UNC5C: variants seen among roughly 807,000 people sequenced by gnomAD.
UNC5C encodes the protein unc-5 netrin receptor C.
Under a neutral mutation model 99.8 loss-of-function variants are expected in UNC5C, and 47 were observed. The observed-to-expected ratio is 0.47, with a 90% CI of 0.37 to 0.60. The LOEUF is 0.60. Ranked by LOEUF, UNC5C falls within the 20% of genes least tolerant of loss-of-function variation. The pLI is 0.00. For synonymous variants in UNC5C, 487 were observed against 452.2 expected (o/e 1.08, Z -0.98); for missense variants, 1,062 against 1,165.9 (o/e 0.91, Z 1.30).
chr4:95,307,872 T>C (rs1294082583), intron 2 of UNC5C, among the ~76,000 whole-genome samples: 1 of 152,190 alleles, frequency 6.6e-6, no homozygotes, highest in Non-Finnish European at 1.5e-5. Context: ...ATAAAAATCA[T>C]ACGATCATCT....
chr4:95,224,511 C>T (rs974369143), intron 7 of UNC5C, among the ~76,000 whole-genome samples: 1 of 152,168 alleles, frequency 6.6e-6, no homozygotes, highest in Admixed American at 6.6e-5. Flanking sequence ...TCAACTTTCA[C>T]AAATATTATG....
chr4:95,471,767 T>C (rs939456851), intron 1 of UNC5C, among the ~76,000 whole-genome samples: 3 of 152,134 alleles, frequency 2.0e-5, no homozygotes, highest in African/African-American at 7.2e-5. Flanking sequence ...TAACAGCACG[T>C]GATGTAAGGA....
At chr4:95,293,836 A>G (rs1741575844) in intron 3 of UNC5C, among the ~76,000 whole-genome samples, 1 of 152,138 alleles carries the variant, frequency 6.6e-6, no homozygotes, top group South Asian at 2.1e-4. Flanking sequence ...TGGGAATAAT[A>G]ATAACACTCA....
intron 6 of UNC5C, among the ~76,000 whole-genome samples, chr4:95,242,850 G>A (rs1240722213): frequency 6.6e-6 from 1 of 152,140 alleles, no homozygotes; most frequent in Non-Finnish European, 1.5e-5. Context: ...ATCCAAAGTT[G>A]TCACCAGGAG....
chr4:95,284,175 T>C (rs537110873), intron 3 of UNC5C, among the ~76,000 whole-genome samples: 1 of 152,178 alleles, frequency 6.6e-6, no homozygotes, highest in Admixed American at 6.5e-5. Flanking sequence ...TGATGCAGAA[T>C]ACATGATTCA....
chr4:95,529,814 G>C (rs1722597092), intron 1 of UNC5C, among the ~76,000 whole-genome samples: 1 of 152,096 alleles, frequency 6.6e-6, no homozygotes, highest in Non-Finnish European at 1.5e-5. Flanking sequence ...TACATAAACT[G>C]TGTGCCTAAT....
At chr4:95,341,640 T>C (rs1252281810) in intron 1 of UNC5C, among the ~76,000 whole-genome samples, 1 of 152,106 alleles carries the variant, frequency 6.6e-6, no homozygotes, top group Non-Finnish European at 1.5e-5. Flanking sequence ...TTGTCCTCCC[T>C]GCAGGAACAT....
Position 95,193,075 on chromosome 4 carries a change from A to G in UNC5C, c.2137-7879T>C, listed in dbSNP as rs967798100. Among the ~76,000 whole-genome samples, 5 of 152,202 alleles carry G rather than the reference A, an allele frequency of 3.3e-5. No homozygotes were observed. In the South Asian group the frequency reaches 1.0e-3, roughly 32 times the overall value. On this transcript the variant is annotated intron_variant, in intron 12 of 15. Coordinates refer to ENST00000453304, the MANE Select transcript of UNC5C (RefSeq NM_003728.4). ...AGGCTGGAAGGCGATGAAATCCAGG[A>G]TGTGTTTCACTCTGCTAGCTTCTTT...
intron 5 of UNC5C, among the ~76,000 whole-genome samples, chr4:95,246,695 T>C (rs1192988105): frequency 6.6e-6 from 1 of 151,828 alleles, no homozygotes; most frequent in Non-Finnish European, 1.5e-5. Flanking sequence ...TTATACATTT[T>C]AAATTATAAA....
At chr4:95,373,753 T>A (rs1410194959) in intron 1 of UNC5C, among the ~76,000 whole-genome samples, 1 of 152,180 alleles carries the variant, frequency 6.6e-6, no homozygotes, top group African/African-American at 2.4e-5. Flanking sequence ...GGAAAGACAC[T>A]GATTCATTTT....
chr4:95,299,172 C>T (rs1195195065), intron 3 of UNC5C, among the ~76,000 whole-genome samples: 1 of 152,064 alleles, frequency 6.6e-6, no homozygotes, highest in African/African-American at 2.4e-5. Flanking sequence ...AGGGTGGGCC[C>T]CAACCCAATC....
chr4:95,267,860 T>C (rs1463534884), intron 4 of UNC5C, among the ~76,000 whole-genome samples: 1 of 151,842 alleles, frequency 6.6e-6, no homozygotes, highest in Non-Finnish European at 1.5e-5. Context: ...CATGGAAACA[T>C]ATAAGTAGAA....
intron 1 of UNC5C, among the ~76,000 whole-genome samples, chr4:95,493,028 C>T (rs1482306071): frequency 3.3e-5 from 5 of 151,194 alleles, no homozygotes; most frequent in Non-Finnish European, 7.4e-5. Context: ...TATTAAACAC[C>T]GATTATATGT....
intron 2 of UNC5C, among the ~76,000 whole-genome samples, chr4:95,324,974 TAC>T (rs1742834262): frequency 6.6e-6 from 1 of 152,246 alleles, no homozygotes; most frequent in Non-Finnish European, 1.5e-5. Context: ...ATATAATTAC[TAC>T]AGTGTTTCCT....
At chr4:95,244,839 T>C (rs1739442585) in intron 6 of UNC5C, 138 bp downstream of exon 6, 3 of 1,182,262 alleles carry the variant, frequency 2.5e-6, no homozygotes, top group South Asian at 2.7e-5. Flanking sequence ...TTCCCAGCAA[T>C]GTAAACAGTG....
intron 1 of UNC5C, among the ~76,000 whole-genome samples, chr4:95,467,355 A>AGT (rs983248596): frequency 4.6e-5 from 7 of 152,158 alleles, no homozygotes; most frequent in Non-Finnish European, 8.8e-5. Context: ...AAATGCAATC[A>AGT]GTGTGTGTGT....
At chr4:95,359,961 C>T (rs1206915135) in intron 1 of UNC5C, among the ~76,000 whole-genome samples, 2 of 152,058 alleles carry the variant, frequency 1.3e-5, no homozygotes, top group African/African-American at 2.4e-5. Context: ...AAAAAACAGG[C>T]ACAGAGAAGT....
chr4:95,321,454 T>C (rs1742688740), intron 2 of UNC5C, among the ~76,000 whole-genome samples: 1 of 152,194 alleles, frequency 6.6e-6, no homozygotes, highest in African/African-American at 2.4e-5. Context: ...ATCTGCGTGA[T>C]ATAATAGAAG....
At chr4:95,376,952 T>C (rs1744913692) in intron 1 of UNC5C, among the ~76,000 whole-genome samples, 2 of 152,186 alleles carry the variant, frequency 1.3e-5, no homozygotes, top group African/African-American at 4.8e-5. Context: ...CTTTTTGCTG[T>C]TGTTTTAAGC....
Sources: allele counts gnomAD v4.1 joint callset (sites outside exome capture counted in the v4.1 genomes callset), GRCh38; gene constraint gnomAD v4.1.1; transcripts MANE v1.5; gene names NCBI Gene and HGNC (gene_info 2026-07-23, HGNC 2026-07-21).